Variants in EME1 observed in about 807,000 individuals in gnomAD.
EME1 encodes essential meiotic structure-specific endonuclease 1.
A neutral mutation model predicts 59.1 loss-of-function variants in EME1; 61 were observed. The ratio of observed to expected loss-of-function variants is 1.03; its 90% confidence interval spans 0.84 to 1.28. The LOEUF is 1.28. EME1 is among the 50% of genes most tolerant of loss of function. EME1 has a pLI of 0.00. For synonymous variants in EME1, 230 were observed against 254.2 expected, an observed-to-expected ratio of 0.90 and a Z score of 0.90; for missense variants, 635 against 682.6, an observed-to-expected ratio of 0.93 and a Z score of 0.78.
Position 50,379,489 on chromosome 17 carries a change from C to T in EME1, c.1268C>T (p.Ala423Val). Residue 423 changes from alanine to valine, a missense_variant, in exon 7 of 9, where the codon GCT (alanine) becomes GTT (valine). Transcript: ENST00000338165. ...VDLQLHTEAQ[A>V]QIVQSWKELA... ...CTGCAGCTACACACAGAAGCCCAGG[C>T]TCAAATTGTGCAGAGCTGGAAAGAG... 1 of 1,614,194 alleles carries T rather than the reference C, an allele frequency of 6.2e-7. No individual in the cohort carries two copies. Among genetic ancestry groups the T allele is most frequent in the Middle Eastern group, 1.6e-4 (1 of 6,062 alleles).
intron 3 of EME1, among the ~76,000 whole-genome samples, chr17:50,378,344 G>A (rs547457881): frequency 4.6e-5 from 7 of 152,298 alleles, no homozygotes; most frequent in East Asian, 3.9e-4. Flanking sequence ...GATTACAGGC[G>A]TGAGTCACCG....
At chr17:50,377,977 C>T (rs1913559180) in intron 3 of EME1, among the ~76,000 whole-genome samples, 1 of 151,574 alleles carries the variant, frequency 6.6e-6, no homozygotes, top group Non-Finnish European at 1.5e-5. Flanking sequence ...AGGCTGGTCT[C>T]GAACTCCTGA....
chr17:50,380,300 A>T lies in EME1; in HGVS notation c.1347-12A>T. The stretch of plus-strand genomic sequence containing the variant: ...ATGAGCAACTTACAGCTCTCCAACC[A>T]CGCTGTTGCAGGAAGCTCCGAGATG... On this transcript the variant is annotated splice_polypyrimidine_tract_variant and intron_variant, in intron 7 of 8. Coordinates refer to ENST00000338165, the MANE Select transcript of EME1 (RefSeq NM_152463.4). 6.3e-7 allele frequency: 1 copy of T among 1,590,794 alleles called. No homozygotes were observed. The highest frequency in any genetic ancestry group is 8.6e-7 in the Non-Finnish European group (1 of 1,168,224).
Position 50,380,949 on chromosome 17 carries a change from T to C in EME1, c.*10T>C. ...AGATAGTGCTGACTGATTCTAGCCC[T>C]CAGGGATGAGGATGAAAAGCTGGAA... On this transcript the variant is annotated 3_prime_UTR_variant, in exon 9 of 9. Transcript: ENST00000338165. 1 of 1,612,590 alleles carries C rather than the reference T, an allele frequency of 6.2e-7. No individual in the cohort carries two copies. Among genetic ancestry groups the C allele is most frequent in the African/African-American group, 1.3e-5 (1 of 75,008 alleles).
rs1913774482 is a variant in EME1, at chr17:50,380,709, G to A, written c.1537-54G>A. On this transcript the variant is annotated intron_variant, in intron 8 of 8. Coordinates refer to ENST00000338165, the MANE Select transcript of EME1 (RefSeq NM_152463.4). Reference sequence around the variant, plus strand: ...AAGCGTAGCACCCTCCATGCTCATGGAGAAGGGATCACCATGGATGGTACC... The same window carrying A: ...AAGCGTAGCACCCTCCATGCTCATGAAGAAGGGATCACCATGGATGGTACC... The A allele has an allele frequency of 3.7e-6, 6 of 1,608,480 alleles. No individual in the cohort carries two copies. The East Asian group carries it at 1.3e-4, about 36-fold the overall frequency.
intron 3 of EME1, among the ~76,000 whole-genome samples, chr17:50,378,159 C>T (rs2143319199): frequency 6.6e-6 from 1 of 150,840 alleles, no homozygotes; most frequent in South Asian, 2.1e-4. Context: ...CTCCACCTCC[C>T]AGTTTCAAGC....
At position 50,375,894 on chromosome 17, in the gene EME1, A is replaced by G; in HGVS notation, c.686A>G (p.Gln229Arg). 1.9e-6 allele frequency: 3 copies of G among 1,613,964 alleles called. No homozygotes were observed. The highest frequency in any genetic ancestry group is 1.7e-6 in the Non-Finnish European group (2 of 1,179,948). Residue 229 changes from glutamine (Q) to arginine (R), a missense_variant, in exon 2 of 9, where the codon CAG becomes CGG. Physicochemically the swap from Gln to Arg is conservative, Grantham distance 43 (BLOSUM62 1). Coordinates refer to ENST00000338165, the MANE Select transcript of EME1 (RefSeq NM_152463.4). Reference sequence around the variant, plus strand: ...CAGAAGGAAAGCACCCTGAGAAGACAGGAAAGAAAGAATGCAGCACTGGTT... The same window carrying G: ...CAGAAGGAAAGCACCCTGAGAAGACGGGAAAGAAAGAATGCAGCACTGGTT... Reference protein sequence around the residue: ...ARQKESTLRRQERKNAALVTR... With the variant: ...ARQKESTLRRRERKNAALVTR...
At chr17:50,373,652 A>G (rs1196304123) in intron 1 of EME1, among the ~76,000 whole-genome samples, 1 of 152,220 alleles carries the variant, frequency 6.6e-6, no homozygotes, top group Non-Finnish European at 1.5e-5. Flanking sequence ...GGCAGGTTAC[A>G]TGTCTCCTTC....
In EME1 at chr17:50,380,907, C is replaced by T. The variant is rs753020589; in HGVS notation, c.1681C>T (p.Gln561Ter). The change falls in exon 9 of 9, where the codon CAG (glutamine) becomes TAG (stop). Residue 561 changes from glutamine to a stop codon, truncating the protein, a stop_gained. Coordinates refer to ENST00000338165, the MANE Select transcript of EME1 (RefSeq NM_152463.4). LOFTEE classifies it high-confidence loss of function. ...RRIYLQMTTLQPHLSLDSAD is the reference protein window; with the variant it reads ...RRIYLQMTTL ...TATCTACCTTCAGATGACCACTTTACAGCCACATCTCTCTTTAGATAGTGC... is the reference window on the plus strand; with the variant it reads ...TATCTACCTTCAGATGACCACTTTATAGCCACATCTCTCTTTAGATAGTGC... The T allele has an allele frequency of 2.5e-6, 4 of 1,614,220 alleles. No homozygotes were observed. The highest frequency in any genetic ancestry group is 1.6e-4 in the Middle Eastern group (1 of 6,062).
chr17:50,378,798 G>C lies in EME1; in HGVS notation c.1015G>C (p.Gly339Arg). The part of the protein sequence containing the change: ...KQGSLDSTMK[G>R]KETLQGFVTD... Reference sequence around the variant, plus strand: ...GGGAAGCCTGGACAGCACTATGAAAGGGAAGGAAACGCTTCAGGGCTTTGT... The same window carrying C: ...GGGAAGCCTGGACAGCACTATGAAACGGAAGGAAACGCTTCAGGGCTTTGT... Residue 339 changes from glycine (G) to arginine (R), a missense_variant, in exon 5 of 9, where the codon GGG (glycine) becomes CGG (arginine). Physicochemically the swap from Gly to Arg is moderately radical, Grantham distance 125 (BLOSUM62 -2). Transcript: ENST00000338165. 2 of 1,614,198 alleles carry C rather than the reference G, an allele frequency of 1.2e-6. No individual in the cohort carries two copies. Among genetic ancestry groups the C allele is most frequent in the East Asian group, 2.2e-5 (1 of 44,882 alleles).
At position 50,375,482 on chromosome 17, in the gene EME1, G is replaced by T; in HGVS notation, c.274G>T (p.Glu92Ter). Residue 92 changes from glutamate (E) to a stop codon, truncating the protein, a stop_gained, in exon 2 of 9, where the codon GAA becomes TAA. Transcript: ENST00000338165. LOFTEE classifies it high-confidence loss of function. ...AAGCAGTGAAAGTGAAGATGAAGAA[G>T]AATTTATTCCTCTGGCTCAAAGGCT... Reference protein sequence around the residue: ...LLSSESEDEEEFIPLAQRLTC... With the variant: ...LLSSESEDEE The T allele has an allele frequency of 1.2e-6, 2 of 1,613,894 alleles. No homozygotes were observed. Among genetic ancestry groups the T allele is most frequent in the Non-Finnish European group, 1.7e-6 (2 of 1,179,924 alleles).
At chr17:50,376,262 T>A (rs1913464725) in intron 3 of EME1, 69 bp downstream of exon 3, 2 of 1,581,784 alleles carry the variant, frequency 1.3e-6, no homozygotes, top group African/African-American at 2.7e-5. Flanking sequence ...TATGCTTTTA[T>A]TTTAAAGGAT....
Position 50,373,237 on chromosome 17 carries a change from G to A in EME1, c.-65G>A, listed in dbSNP as rs534336515. 1.9e-4 allele frequency: 313 copies of A among 1,605,324 alleles called. 1 individual carries two copies. The highest frequency in any genetic ancestry group is 5.8e-4 in the Admixed American group (34 of 59,002). On this transcript the variant is annotated 5_prime_UTR_variant, in exon 1 of 9. Transcript: ENST00000338165. ...CCGCTATCAGGAGATCTACTTCCGG[G>A]CCCTGCGTGGCAGTTGAAAGAGTGG...
At position 50,376,189 on chromosome 17, in the gene EME1, C is replaced by A; in HGVS notation, c.899C>A (p.Ser300Tyr). The part of the protein sequence containing the change: ...SVTWRRRAGP[S>Y]EDREDWVEEP... Reference sequence around the variant, plus strand: ...ACTTGGAGGAGAAGGGCTGGGCCGTCTGAGGTAGGAGTTTTCTGGCTGACA... The same window carrying A: ...ACTTGGAGGAGAAGGGCTGGGCCGTATGAGGTAGGAGTTTTCTGGCTGACA... Residue 300 changes from serine (S) to tyrosine (Y), a missense_variant, in exon 3 of 9, where the codon TCT (serine) becomes TAT (tyrosine). Physicochemically the swap from Ser to Tyr is moderately radical, Grantham distance 144. Coordinates refer to ENST00000338165, the MANE Select transcript of EME1 (RefSeq NM_152463.4). The A allele has an allele frequency of 6.2e-7, 1 of 1,612,746 alleles. No individual in the cohort carries two copies. The highest frequency in any genetic ancestry group is 8.5e-7 in the Non-Finnish European group (1 of 1,179,658).
In EME1 at chr17:50,375,395, T is replaced by C. The variant is rs17714854; in HGVS notation, c.187T>C (p.Phe63Leu). Residue 63 changes from phenylalanine (F) to leucine (L), a missense_variant, in exon 2 of 9, where the codon TTT becomes CTT. Phe to Leu is a conservative substitution (Grantham distance 22). Transcript: ENST00000338165. Reference protein sequence around the residue: ...EASCPPAPELFSPPVPEIAET... With the variant: ...EASCPPAPELLSPPVPEIAET... Reference sequence around the variant, plus strand: ...CTCCTGTCCTCCAGCACCAGAGTTATTTTCACCACCTGTCCCAGAAATAGC... The same window carrying C: ...CTCCTGTCCTCCAGCACCAGAGTTACTTTCACCACCTGTCCCAGAAATAGC... 0.014 allele frequency: 22,432 copies of C among 1,614,128 alleles called. 303 individuals are homozygous for C. Among genetic ancestry groups the C allele is most frequent in the African/African-American group, 0.041 (3,066 of 75,010 alleles).
rs1913739907 is a variant in EME1 at position 50,380,353 on chromosome 17, G to A, written c.1388G>A (p.Ser463Asn). The change falls in exon 8 of 9, where the codon AGT (serine) becomes AAT (asparagine). Residue 463 changes from serine (S) to asparagine (N), a missense_variant. By Grantham distance (46) the Ser-to-Asn change is conservative (BLOSUM62 1). Transcript: ENST00000338165. ...ACTACCTTCTCCTTCTGTCTGGAGA[G>A]TGACTGGGCTGGAGGGGTGAAGGTG... The part of the protein sequence containing the change: ...DETTFSFCLE[S>N]DWAGGVKVDL... 1 of 1,613,574 alleles carries A rather than the reference G, an allele frequency of 6.2e-7. No homozygotes were observed.
At chr17:50,373,711 G>C (rs1205578891) in intron 1 of EME1, among the ~76,000 whole-genome samples, 1 of 152,170 alleles carries the variant, frequency 6.6e-6, no homozygotes, top group African/African-American at 2.4e-5. Context: ...GATTAGCTTT[G>C]CATATGACCC....
rs1913832132 is a variant in EME1 at position 50,381,356 on chromosome 17, CG to C, written c.*419del. Reference sequence around the variant, plus strand: ...GGCTCAGCCACTGAGCTGCCTCAACCGGCCAAGGAACGGGATTATGATGACT... The same window carrying C: ...GGCTCAGCCACTGAGCTGCCTCAACCGCCAAGGAACGGGATTATGATGACT... On this transcript the variant is annotated 3_prime_UTR_variant, in exon 9 of 9. Coordinates refer to ENST00000338165, the MANE Select transcript of EME1 (RefSeq NM_152463.4). 1 of 199,492 alleles carries C rather than the reference CG, an allele frequency of 5.0e-6. No homozygotes were observed. Among genetic ancestry groups the C allele is most frequent in the Admixed American group, 5.3e-5 (1 of 19,004 alleles). The allele number at this position is 199,492 out of a possible 1,614,324, so 12.4% of individuals were successfully genotyped here.
Position 50,375,663 on chromosome 17 carries a change from A to G in EME1, c.455A>G (p.Glu152Gly). The change falls in exon 2 of 9, where the codon GAG becomes GGG. Residue 152 changes from glutamate to glycine, a missense_variant. Coordinates refer to ENST00000338165, the MANE Select transcript of EME1 (RefSeq NM_152463.4). ...GAAGTTCCCCTCCATGATACCCCAG[A>G]GAGGAGTGCAGCAGATAACAAGGAC... ...IPEVPLHDTP[E>G]RSAADNKDLI... is the part of the protein sequence containing the mutation. The G allele has an allele frequency of 2.5e-6, 4 of 1,614,122 alleles. No homozygotes were observed. Among genetic ancestry groups the G allele is most frequent in the Non-Finnish European group, 3.4e-6 (4 of 1,180,026 alleles).
Sources: gnomAD v4.1 joint callset for allele counts (sites outside exome capture counted in the v4.1 genomes callset) on GRCh38, gnomAD v4.1.1 for gene constraint, MANE v1.5 for transcripts, NCBI Gene and HGNC (gene_info 2026-07-23, HGNC 2026-07-21) for gene names.